CATSPERG: variants seen among roughly 807,000 people sequenced by gnomAD.
CATSPERG encodes cation channel sperm-associated auxiliary subunit gamma.
A neutral mutation model predicts 145.0 loss-of-function variants in CATSPERG; 115 were observed. That is an observed-to-expected ratio of 0.79 (90% CI 0.68 to 0.93). The LOEUF (loss-of-function observed/expected upper bound fraction) is 0.93, where lower values mean the gene tolerates loss of function less well. CATSPERG is among the 40% of genes least tolerant of loss of function. The pLI, the probability that CATSPERG is intolerant of heterozygous loss-of-function variation, is 0.00. For synonymous variants in CATSPERG, 588 were observed against 589.0 expected (o/e 1.00, Z 0.02); for missense variants, 1,296 against 1,490.1 (o/e 0.87, Z 2.14).
chr19:38,370,272 C>A lies in CATSPERG; in HGVS notation c.3213+14C>A. On this transcript the variant is annotated intron_variant, in intron 28 of 28. Transcript: ENST00000409235. ...TTCATCATCATGGTGAGTGGCTGTC[C>A]GGGAGCTGCCCTACTGGGTGGGCAG... The A allele has an allele frequency of 6.2e-7, 1 of 1,610,262 alleles. No individual in the cohort carries two copies. The highest frequency in any genetic ancestry group is 8.5e-7 in the Non-Finnish European group (1 of 1,178,558).
chr19:38,352,179 G>A, intron 7 of CATSPERG, 82 bp from the exon 8 acceptor site: 2 of 1,388,904 alleles, frequency 1.4e-6, no homozygotes, highest in South Asian at 1.3e-5. Flanking sequence ...GCAGCTGTCA[G>A]AGCAGGAGCT....
Position 38,362,283 on chromosome 19 carries a change from C to A in CATSPERG, c.2157+11C>A. 6.2e-7 allele frequency: 1 copy of A among 1,613,508 alleles called. No individual in the cohort carries two copies. The highest frequency in any genetic ancestry group is 8.5e-7 in the Non-Finnish European group (1 of 1,179,690). ...AACAAACAAGACCAGGTAGGCGGAGCGGATTGGGAGCCGGGAAAGGGGCGG... is the reference window on the plus strand; with the variant it reads ...AACAAACAAGACCAGGTAGGCGGAGAGGATTGGGAGCCGGGAAAGGGGCGG... On this transcript the variant is annotated intron_variant, in intron 18 of 28. Transcript: ENST00000409235.
At chr19:38,340,351 C>T (rs1257959989) in intron 3 of CATSPERG, among the ~76,000 whole-genome samples, 5 of 150,548 alleles carry the variant, frequency 3.3e-5, no homozygotes, top group African/African-American at 1.2e-4. Context: ...GACAGGGTCT[C>T]ACTCTGTCAC....
chr19:38,344,070 C>T lies in CATSPERG; in HGVS notation c.547C>T (p.Arg183Cys), dbSNP rs375537032. Residue 183 changes from arginine (R) to cysteine (C), a missense_variant, in exon 5 of 29, where the codon CGT becomes TGT. Transcript: ENST00000409235. ...MPIKKGSVVM[R>C]VDISSNGLGT... is the part of the protein sequence containing the mutation. The stretch of plus-strand genomic sequence containing the variant: ...CATCAAGAAAGGCAGTGTGGTCATG[C>T]GTGTGGACATCAGCAGCAATGGCCT... 9.2e-5 allele frequency: 143 copies of T among 1,551,424 alleles called. No individual in the cohort carries two copies. Among genetic ancestry groups the T allele is most frequent in the Admixed American group, 2.4e-4 (12 of 50,978 alleles).
intron 3 of CATSPERG, 83 bp from the exon 4 acceptor site, chr19:38,343,497 A>G (rs1479014649): frequency 2.4e-6 from 3 of 1,267,174 alleles, no homozygotes; most frequent in Admixed American, 5.0e-5. Context: ...AGCCCAGGAG[A>G]CAGACTGTTA....
intron 20 of CATSPERG, among the ~76,000 whole-genome samples, chr19:38,363,562 T>C (rs1368966089): frequency 6.7e-6 from 1 of 149,682 alleles, no homozygotes; most frequent in African/African-American, 2.5e-5. Context: ...GGTCAGCAGA[T>C]AAACAAGTGA....
rs771097767 is a variant in CATSPERG, at chr19:38,370,518, C to T, written c.3214-8C>T. On this transcript the variant is annotated splice_region_variant and splice_polypyrimidine_tract_variant and intron_variant, in intron 28 of 28. Transcript: ENST00000409235. ...GCCAACTCCTTACTCATTCTTTGCT[C>T]CCTGCAGGTGTCAGCTAGCGTGTTT... 6.2e-6 allele frequency: 10 copies of T among 1,613,940 alleles called. No homozygotes were observed. The highest frequency in any genetic ancestry group is 8.5e-6 in the Non-Finnish European group (10 of 1,179,944).
At chr19:38,348,815 A>G (rs980615727) in intron 7 of CATSPERG, among the ~76,000 whole-genome samples, 1 of 152,214 alleles carries the variant, frequency 6.6e-6, no homozygotes, top group Non-Finnish European at 1.5e-5. Context: ...AACAAGTTCA[A>G]TGTGAATTCA....
intron 17 of CATSPERG, 131 bp downstream of exon 17, chr19:38,361,992 G>GGGGGGGGGGT: frequency 2.9e-6 from 1 of 347,378 alleles, no homozygotes; most frequent in Non-Finnish European, 5.6e-6. Flanking sequence ...GTGGGCGGGG[G>GGGGGGGGGGT]ACCTGGGGGC....
intron 3 of CATSPERG, among the ~76,000 whole-genome samples, chr19:38,342,489 A>G (rs918260763): frequency 4.6e-5 from 7 of 151,704 alleles, no homozygotes; most frequent in African/African-American, 1.7e-4. Flanking sequence ...AGTCCCAGCT[A>G]CTCAGGAGGC....
chr19:38,361,647 G>C lies in CATSPERG; in HGVS notation c.1881-1G>C. 6.2e-7 allele frequency: 1 copy of C among 1,609,174 alleles called. No homozygotes were observed. The highest frequency in any genetic ancestry group is 8.5e-7 in the Non-Finnish European group (1 of 1,179,608). On this transcript the variant is annotated splice_acceptor_variant, in intron 16 of 28. Coordinates refer to ENST00000409235, the MANE Select transcript of CATSPERG (RefSeq NM_021185.5). LOFTEE classifies it high-confidence loss of function. The stretch of plus-strand genomic sequence containing the variant: ...AGCCTTTCCCCCTTGCCACTGCCCA[G>C]GGGCTACTTGATGCTCTCCTTCATC...
intron 3 of CATSPERG, among the ~76,000 whole-genome samples, chr19:38,343,012 A>G (rs1240676678): frequency 3.3e-5 from 5 of 152,196 alleles, no homozygotes; most frequent in Admixed American, 6.5e-5. Flanking sequence ...CATAGGTGGC[A>G]GAAAGTCTGC....
chr19:38,347,570 G>A (rs1339337862), intron 7 of CATSPERG, among the ~76,000 whole-genome samples: 3 of 152,188 alleles, frequency 2.0e-5, no homozygotes, highest in Admixed American at 6.6e-5. Flanking sequence ...TGGCTTCAGC[G>A]ACAGAACTAT....
At chr19:38,364,695 G>T (rs1035744585) in intron 20 of CATSPERG, among the ~76,000 whole-genome samples, 196 bp from the exon 21 acceptor site, 1 of 152,254 alleles carries the variant, frequency 6.6e-6, no homozygotes, top group African/African-American at 2.4e-5. Flanking sequence ...CGAGGCTGGC[G>T]GATCACTCGC....
At chr19:38,369,923 A>G (rs760103004) in intron 26 of CATSPERG, 49 bp from the exon 27 acceptor site, 70 of 1,581,474 alleles carry the variant, frequency 4.4e-5, no homozygotes, top group Non-Finnish European at 5.6e-5. Context: ...GGGAGTTGGC[A>G]CAGACTAGGC....
chr19:38,360,302 T>C (rs1370909405), intron 14 of CATSPERG, 187 bp from the exon 15 acceptor site: 2 of 985,124 alleles, frequency 2.0e-6, no homozygotes, highest in Non-Finnish European at 2.4e-6. Context: ...CCAGAGGTGA[T>C]TGGGCTCAGG....
Position 38,343,723 on chromosome 19 carries a change from A to G in CATSPERG, c.468A>G (p.Lys156=). ...IQMEAAPFRS[K]EPCMAEEVCS... ...TGGAGGCTGCCCCCTTCCGCAGCAA[A>G]GGTGGGCCTGGGGGAGGCGGGAGGG... Residue 156 remains lysine, a splice_region_variant and synonymous_variant, in exon 4 of 29, where the codon AAA becomes AAG. Coordinates refer to ENST00000409235, the MANE Select transcript of CATSPERG (RefSeq NM_021185.5). The G allele has an allele frequency of 2.8e-6, 4 of 1,443,486 alleles. No homozygotes were observed. Among genetic ancestry groups the G allele is most frequent in the Non-Finnish European group, 3.7e-6 (4 of 1,078,610 alleles). The allele number at this position is 1,443,486 out of a possible 1,614,324, so 89.4% of individuals were successfully genotyped here.
chr19:38,358,040 C>CACCACTGCACTCCAGCCTGGG (rs1970277338), intron 11 of CATSPERG: 2 of 514,890 alleles, frequency 3.9e-6, no homozygotes, highest in African/African-American at 3.8e-5. Context: ...ATCACTTGAA[C>CACCACTGCACTCCAGCCTGGG]CGAGGAGGCA....
At chr19:38,368,164 G>A in intron 26 of CATSPERG, 27 bp downstream of exon 26, 1 of 1,603,702 alleles carries the variant, frequency 6.2e-7, no homozygotes, top group Non-Finnish European at 8.5e-7. Flanking sequence ...GCCCCTCTTG[G>A]CCCCCATCTG....
Sources: allele counts gnomAD v4.1 joint callset (sites outside exome capture counted in the v4.1 genomes callset), GRCh38; gene constraint gnomAD v4.1.1; transcripts MANE v1.5; gene names NCBI Gene and HGNC (gene_info 2026-07-23, HGNC 2026-07-21).